Variants in KIAA1217 observed in about 807,000 individuals in gnomAD.
The protein encoded by KIAA1217 is sickle tail protein homolog.
KIAA1217 carries 88 observed loss-of-function variants against 163.9 expected under a neutral mutation model. That is an observed-to-expected ratio of 0.54 (90% CI 0.45 to 0.64). The LOEUF (loss-of-function observed/expected upper bound fraction) is 0.64. Ranked by LOEUF, KIAA1217 falls within the 30% of genes least tolerant of loss-of-function variation. KIAA1217 has a pLI of 0.00. For synonymous variants in KIAA1217, 903 were observed against 923.1 expected (o/e 0.98, Z 0.39); for missense variants, 2,372 against 2,475.0 (o/e 0.96, Z 0.88).
At position 24,182,065 on chromosome 10, in the gene KIAA1217, C is replaced by A. The variant is rs1374648501; in HGVS notation, c.-170-37561C>A. On this transcript the variant is annotated intron_variant, in intron 2 of 18. Transcript: ENST00000376462. The stretch of plus-strand genomic sequence containing the variant: ...ATGTGTTTATCTACCAAAAGGGTCC[C>A]TTTGTGTCTTTTTTCTTACTTGATG... Among the ~76,000 whole-genome samples, 3 of 152,138 alleles carry A rather than the reference C, an allele frequency of 2.0e-5. No homozygotes were observed. In the East Asian group the frequency reaches 5.8e-4, roughly 29 times the overall value.
chr10:24,406,711 A>G (rs1391895464), intron 3 of KIAA1217, among the ~76,000 whole-genome samples: 1 of 152,216 alleles, frequency 6.6e-6, no homozygotes, highest in Non-Finnish European at 1.5e-5. Flanking sequence ...TACCAGAAAA[A>G]AGATTTGAAA....
chr10:23,712,171 C>T (rs1330401805), intron 1 of KIAA1217, among the ~76,000 whole-genome samples: 2 of 152,066 alleles, frequency 1.3e-5, no homozygotes, highest in African/African-American at 4.8e-5. Context: ...ATACCTGGCA[C>T]AGAGGTGAAG....
chr10:24,030,356 G>T (rs553102181), intron 2 of KIAA1217, among the ~76,000 whole-genome samples: 1 of 152,100 alleles, frequency 6.6e-6, no homozygotes, highest in South Asian at 2.1e-4. Flanking sequence ...ATGATAATGA[G>T]GGAGTTCTCA....
intron 2 of KIAA1217, among the ~76,000 whole-genome samples, chr10:24,320,120 TATTAA>T (rs913180488): frequency 8.5e-5 from 13 of 152,232 alleles, no homozygotes; most frequent in African/African-American, 3.1e-4. Context: ...CTTTGGCATC[TATTAA>T]ATTTTTATTT....
chr10:24,006,592 G>A (rs528505709), intron 1 of KIAA1217, among the ~76,000 whole-genome samples: 2 of 152,274 alleles, frequency 1.3e-5, no homozygotes, highest in South Asian at 2.1e-4. Context: ...CTCCACAGAA[G>A]AGGTGCCTCT....
At chr10:23,811,828 T>A (rs962370714) in intron 1 of KIAA1217, among the ~76,000 whole-genome samples, 2 of 152,092 alleles carry the variant, frequency 1.3e-5, no homozygotes, top group African/African-American at 4.8e-5. Context: ...ACCTGCTTTC[T>A]AAGAGGATGC....
intron 1 of KIAA1217, among the ~76,000 whole-genome samples, chr10:23,704,172 G>GTGTGTGTGTGTGTGTGTA (rs1229370789): frequency 4.0e-4 from 16 of 39,944 alleles, no homozygotes; most frequent in African/African-American, 2.0e-3. Flanking sequence ...GTGTGTGTGT[G>GTGTGTGTGTGTGTGTGTA]TATATATATA....
At chr10:23,936,106 A>G (rs11013798) in intron 1 of KIAA1217, among the ~76,000 whole-genome samples, 55,619 of 151,862 alleles carry the variant, frequency 0.37, 11,967 homozygotes, top group African/African-American at 0.6. Context: ...AAAGCACACA[A>G]CAACACTGGG....
At position 24,230,506 on chromosome 10, in the gene KIAA1217, T is replaced by TTG. The variant is rs2071245343; in HGVS notation, c.354+10598_354+10599insGT. Among the ~76,000 whole-genome samples the TTG allele has an allele frequency of 2.2e-5, 3 of 136,880 alleles. 1 individual carries two copies. In the South Asian group the frequency reaches 7.5e-4, roughly 34 times the overall value. 89.8% of individuals were successfully genotyped at this position (136,880 alleles called of 152,430 possible). On this transcript the variant is annotated intron_variant, in intron 2 of 20. Coordinates refer to ENST00000376454, the MANE Select transcript of KIAA1217 (RefSeq NM_019590.5). ...GTAGGCACTACTATTTGTTTTGTTTTTTTTTTTTTTTTTTTTTGAGACAGA... is the reference window on the plus strand; with the variant it reads ...GTAGGCACTACTATTTGTTTTGTTTTTGTTTTTTTTTTTTTTTTTGAGACAGA...
At chr10:24,387,165 G>A (rs1249912894) in intron 3 of KIAA1217, among the ~76,000 whole-genome samples, 1 of 152,030 alleles carries the variant, frequency 6.6e-6, no homozygotes, top group Non-Finnish European at 1.5e-5. Context: ...GTAAAATTCT[G>A]GCAAACTGAA....
chr10:24,446,149 T>C (rs2060915448), intron 5 of KIAA1217, among the ~76,000 whole-genome samples: 1 of 152,232 alleles, frequency 6.6e-6, no homozygotes, highest in South Asian at 2.1e-4. Flanking sequence ...GAGCATTTTT[T>C]CATGTGTTTT....
intron 2 of KIAA1217, among the ~76,000 whole-genome samples, chr10:24,153,280 TA>T (rs1044998447): frequency 6.6e-6 from 1 of 152,214 alleles, no homozygotes; most frequent in Non-Finnish European, 1.5e-5. Flanking sequence ...CGGGAAGGGT[TA>T]GTTTATACTT....
At chr10:23,794,001 A>G (rs552000874) in intron 1 of KIAA1217, among the ~76,000 whole-genome samples, 1 of 152,372 alleles carries the variant, frequency 6.6e-6, no homozygotes, top group East Asian at 1.9e-4. Context: ...GCTTGTTAAG[A>G]GGAAACTATT....
intron 17 of KIAA1217, among the ~76,000 whole-genome samples, chr10:24,540,172 A>G (rs1213175933): frequency 6.6e-6 from 1 of 152,216 alleles, no homozygotes; most frequent in Non-Finnish European, 1.5e-5. Context: ...GTGACTTTCC[A>G]TTAGAGCATT....
intron 1 of KIAA1217, among the ~76,000 whole-genome samples, chr10:23,744,711 C>A (rs533535746): frequency 6.6e-6 from 1 of 152,224 alleles, no homozygotes; most frequent in South Asian, 2.1e-4. Flanking sequence ...AGAAACAGAA[C>A]CAATAGGATG....
intron 2 of KIAA1217, among the ~76,000 whole-genome samples, chr10:24,266,062 G>T (rs1281568975): frequency 6.6e-6 from 1 of 151,810 alleles, no homozygotes; most frequent in Non-Finnish European, 1.5e-5. Context: ...TCAAATTTGT[G>T]TATCTGCAAA....
At chr10:24,386,484 A>G (rs1373449599) in intron 3 of KIAA1217, among the ~76,000 whole-genome samples, 1 of 152,226 alleles carries the variant, frequency 6.6e-6, no homozygotes, top group African/African-American at 2.4e-5. Context: ...GAAAACAAAG[A>G]GGGGGCAACA....
intron 2 of KIAA1217, among the ~76,000 whole-genome samples, chr10:24,075,268 C>T (rs988207944): frequency 2.0e-5 from 3 of 152,040 alleles, no homozygotes; most frequent in African/African-American, 7.2e-5. Context: ...TCCTGAAAGA[C>T]GTATCATTCC....
intron 2 of KIAA1217, among the ~76,000 whole-genome samples, chr10:24,075,259 C>T (rs1238867530): frequency 6.6e-6 from 1 of 152,024 alleles, no homozygotes; most frequent in Non-Finnish European, 1.5e-5. Context: ...CAGAAACCAT[C>T]CTGAAAGACG....
Sources: gnomAD v4.1 joint callset for allele counts (sites outside exome capture counted in the v4.1 genomes callset) on GRCh38, gnomAD v4.1.1 for gene constraint, MANE v1.5 for transcripts, NCBI Gene and HGNC (gene_info 2026-07-23, HGNC 2026-07-21) for gene names.